GNAS: variants seen among roughly 807,000 people sequenced by gnomAD.
GNAS encodes GNAS complex locus, also known as protein ALEX.
GNAS carries 8 observed loss-of-function variants against 54.5 expected under a neutral mutation model. That is an observed-to-expected ratio of 0.15 (90% CI 0.09 to 0.26). GNAS has a LOEUF of 0.26. Among genes scored for constraint, GNAS ranks in the 10% least tolerant of loss-of-function variants. The pLI is 1.00. For missense variants in GNAS, 170 were observed against 529.8 expected, an observed-to-expected ratio of 0.32 and a Z score of 6.67; for synonymous variants, 204 against 191.4, an observed-to-expected ratio of 1.07 and a Z score of -0.54.
At chr20:58,906,182 G>A (rs1043514066) in intron 6 of GNAS, among the ~76,000 whole-genome samples, 39 of 152,212 alleles carry the variant, frequency 2.6e-4, no homozygotes, top group Non-Finnish European at 1.0e-4. Flanking sequence ...CCTGCGAGGA[G>A]GACAGGTTAA....
upstream of GNAS, chr20:58,891,320 TCCTCCCCCCG>T (rs1359865838): frequency 7.5e-4 from 97 of 128,774 alleles, no homozygotes; most frequent in Middle Eastern, 0.017. Flanking sequence ...CGCCGCCTCC[TCCTCCCCCCG>T]CCTCCCCCCG....
At chr20:58,891,888 G>GGCCCCA in intron 1 of GNAS, 23 bp downstream of exon 1, 1 of 1,117,032 alleles carries the variant, frequency 9.0e-7, no homozygotes. Flanking sequence ...GGGGGGCGCC[G>GGCCCCA]GCCCCGGCCC....
chr20:58,892,123 GTCTC>G (rs907017474), intron 1 of GNAS: 75 of 967,314 alleles, frequency 7.8e-5, no homozygotes, highest in South Asian at 1.9e-4. Flanking sequence ...CCCGCTCAGT[GTCTC>G]TCTCTTGCTC....
At chr20:58,878,849 C>G (rs2180696) in intron 1 of GNAS, among the ~76,000 whole-genome samples, 54,873 of 141,008 alleles carry the variant, frequency 0.39, 11,308 homozygotes, top group East Asian at 0.65. Context: ...CGCGTGGCTG[C>G]TTAGTGGTTT....
intron 2 of GNAS, chr20:58,898,185 G>A (rs1198673547): frequency 6.6e-6 from 1 of 151,994 alleles, no homozygotes; most frequent in Non-Finnish European, 1.5e-5. Context: ...TTACCAAACT[G>A]TAGAATGCTG....
intron 3 of GNAS, 102 bp from the exon 4 acceptor site, chr20:58,903,429 G>A (rs1434255094): frequency 2.0e-6 from 2 of 994,246 alleles, no homozygotes; most frequent in South Asian, 1.3e-5. Flanking sequence ...ACTCCCTGAA[G>A]AACAGAATAC....
chr20:58,894,219 A>G (rs1008416228), intron 1 of GNAS, among the ~76,000 whole-genome samples: 13 of 152,358 alleles, frequency 8.5e-5, no homozygotes, highest in Admixed American at 7.8e-4. Context: ...GTTTTTGCCT[A>G]TGAAAGATAG....
chr20:58,896,599 C>A (rs968614223), intron 2 of GNAS, among the ~76,000 whole-genome samples: 1 of 150,974 alleles, frequency 6.6e-6, no homozygotes, highest in Admixed American at 6.6e-5. Context: ...GCCTACCCAT[C>A]GTTCTCGTGT....
At chr20:58,894,906 ATGGTCTCCCCTTTTCCT>A in intron 1 of GNAS, among the ~76,000 whole-genome samples, 1 of 152,220 alleles carries the variant, frequency 6.6e-6, no homozygotes, top group East Asian at 1.9e-4. Flanking sequence ...CAGATAATTG[ATGGTCTCCCCTTTTCCT>A]CAGCAACATA....
At chr20:58,899,023 CCAAA>C (rs781046378) in intron 3 of GNAS, 38 bp downstream of exon 3, 4 of 1,521,826 alleles carry the variant, frequency 2.6e-6, no homozygotes, top group Admixed American at 1.7e-5. Context: ...TGTTAACAAA[CCAAA>C]CAAACATGAA....
intron 1 of GNAS, among the ~76,000 whole-genome samples, chr20:58,893,288 G>A (rs950528631): frequency 2.0e-5 from 3 of 151,948 alleles, no homozygotes; most frequent in African/African-American, 7.3e-5. Flanking sequence ...ACTATAAGGA[G>A]ATGGCCTTTC....
chr20:58,840,179 G>A (rs1230896240), upstream of GNAS: 2 of 1,611,480 alleles, frequency 1.2e-6, no homozygotes, highest in Admixed American at 3.3e-5. This position sits in a 1 kb window ranked among gnomAD's most constrained non-coding sequence, Gnocchi z 6.0. Flanking sequence ...CCCGCCCATA[G>A]GCCGCCGGGC....
chr20:58,904,773 A>G (rs2146200558), intron 5 of GNAS, among the ~76,000 whole-genome samples: 1 of 152,396 alleles, frequency 6.6e-6, no homozygotes, highest in African/African-American at 2.4e-5. Context: ...AAAAAAAGCA[A>G]TAAACACAAT....
In GNAS at chr20:58,891,774, GA is replaced by G; in HGVS notation, c.50del (p.Lys17ArgfsTer41). ...SKTEDQRNEE[K>X]AQREANKKIE... ...AGACCGAGGACCAGCGCAACGAGGA[GA>G]AGGCGCAGCGTGAGGCCAACAAAAA... On this transcript the variant is annotated frameshift_variant, in exon 1 of 13. Coordinates refer to ENST00000371085, the MANE Select transcript of GNAS (RefSeq NM_000516.7). LOFTEE classifies it high-confidence loss of function. 3.1e-6 allele frequency: 4 copies of G among 1,277,106 alleles called. No individual in the cohort carries two copies. Among genetic ancestry groups the G allele is most frequent in the East Asian group, 6.4e-5 (1 of 15,634 alleles). The allele number at this position is 1,277,106 out of a possible 1,614,324, so 79.1% of individuals were successfully genotyped here. A position where few individuals can be genotyped will look rare whatever the true frequency, so the allele number is the denominator to read the frequency against.
intron 1 of GNAS, among the ~76,000 whole-genome samples, chr20:58,871,916 G>A (rs1006562016): frequency 3.3e-5 from 5 of 152,166 alleles, no homozygotes; most frequent in Non-Finnish European, 7.3e-5. Context: ...GGGGTGGAGC[G>A]CTGCCAAGGA....
At chr20:58,903,820 T>C (rs749119739) in intron 5 of GNAS, 29 bp downstream of exon 5, 20 of 1,613,372 alleles carry the variant, frequency 1.2e-5, no homozygotes, top group Middle Eastern at 3.3e-4. Context: ...TGTGTGGCCT[T>C]AGCCCCGCCC....
At position 58,854,728 on chromosome 20, in the gene GNAS, C is replaced by A. The variant is rs1203509666; in HGVS notation, c.43+13842C>A. 1.3e-6 allele frequency: 2 copies of A among 1,536,080 alleles called. No homozygotes were observed. The highest frequency in any genetic ancestry group is 2.7e-5 in the African/African-American group (2 of 73,008). Reference sequence around the variant, plus strand: ...GCTGAGACCCGGGCAGCCCATGTCGCCCCAGCTGCGCCAGACGCAGGGGCT... The same window carrying A: ...GCTGAGACCCGGGCAGCCCATGTCGACCCAGCTGCGCCAGACGCAGGGGCT... On this transcript the variant is annotated intron_variant, in intron 1 of 12. Transcript: ENST00000306090.
chr20:58,900,116 G>A, intron 3 of GNAS: 4 of 566,986 alleles, frequency 7.1e-6, no homozygotes, highest in Admixed American at 3.3e-5. Flanking sequence ...CTTAAACGAT[G>A]ATTGAAAAAA....
At chr20:58,885,820 C>T (rs575113489) in intron 1 of GNAS, among the ~76,000 whole-genome samples, 1 of 152,322 alleles carries the variant, frequency 6.6e-6, no homozygotes, top group African/African-American at 2.4e-5. Context: ...AAGTGCAGAA[C>T]GTGCTTTGAA....
Sources: gnomAD v4.1 joint callset for allele counts (sites outside exome capture counted in the v4.1 genomes callset) on GRCh38, gnomAD v4.1.1 for gene constraint, Gnocchi (gnomAD v3.1) non-coding constraint, MANE v1.5 for transcripts, NCBI Gene and HGNC (gene_info 2026-07-23, HGNC 2026-07-21) for gene names.